The following ATM variants were observed in gnomAD, a reference collection of about 807,000 sequenced individuals.
ATM encodes serine-protein kinase ATM.
A neutral mutation model predicts 387.0 loss-of-function variants in ATM; 308 were observed. That is an observed-to-expected ratio of 0.80 (90% CI 0.73 to 0.87). The LOEUF is 0.87. Among genes scored for constraint, ATM ranks in the 40% least tolerant of loss-of-function variants. The pLI, the probability that ATM is intolerant of heterozygous loss-of-function variation, is 0.00. For synonymous variants in ATM, 1,156 were observed against 1,187.3 expected, an observed-to-expected ratio of 0.97 and a Z score of 0.54; for missense variants, 3,312 against 3,560.9, an observed-to-expected ratio of 0.93 and a Z score of 1.78.
In ATM at chr11:108,302,846, T is replaced by C. The variant is rs863224292; in HGVS notation, c.5320-7T>C. 1 of 1,606,882 alleles carries C rather than the reference T, an allele frequency of 6.2e-7. No homozygotes were observed. Among genetic ancestry groups the C allele is most frequent in the Non-Finnish European group, 8.5e-7 (1 of 1,173,880 alleles). On this transcript the variant is annotated splice_polypyrimidine_tract_variant and splice_region_variant and intron_variant, in intron 35 of 62. Coordinates refer to ENST00000675843, the MANE Select transcript of ATM (RefSeq NM_000051.4). Reference sequence around the variant, plus strand: ...TTATTTACATTTTCTAATCCCTTTCTTTCTAGTTTTTAGAAGTACCCAGAT... The same window carrying C: ...TTATTTACATTTTCTAATCCCTTTCCTTCTAGTTTTTAGAAGTACCCAGAT...
At position 108,354,878 on chromosome 11, in the gene ATM, A is replaced by C. The variant is rs587782335; in HGVS notation, c.8850+4A>C. The C allele has an allele frequency of 3.4e-5, 54 of 1,610,208 alleles. No individual in the cohort carries two copies. The highest frequency in any genetic ancestry group is 4.6e-5 in the Non-Finnish European group (54 of 1,176,566). On this transcript the variant is annotated splice_donor_region_variant and intron_variant, in intron 61 of 62. Transcript: ENST00000675843. ...AACTCTGTTAACCATTGTAGAGGTA[A>C]AGTATTTTATAAGGAAGACTTTATT... is the stretch of plus-strand genomic sequence containing the variant.
intron 5 of ATM, among the ~76,000 whole-genome samples, chr11:108,238,753 G>A (rs954964570): frequency 1.3e-5 from 2 of 151,836 alleles, no homozygotes; most frequent in Non-Finnish European, 2.9e-5. Context: ...GAGCCATGTG[G>A]CTTTTATTTT....
intron 9 of ATM, among the ~76,000 whole-genome samples, chr11:108,249,396 A>G (rs1478059828): frequency 6.6e-6 from 1 of 152,238 alleles, no homozygotes; most frequent in African/African-American, 2.4e-5. Context: ...CATGGAATTC[A>G]CTGAATTGTA....
intron 7 of ATM, among the ~76,000 whole-genome samples, chr11:108,246,459 G>A (rs550788895): frequency 3.3e-5 from 5 of 152,146 alleles, no homozygotes; most frequent in African/African-American, 9.6e-5. Flanking sequence ...CTTTTGTTTC[G>A]CATACTAGTC....
At chr11:108,279,289 G>A (rs968140768) in intron 22 of ATM, among the ~76,000 whole-genome samples, 1 of 152,192 alleles carries the variant, frequency 6.6e-6, no homozygotes, top group African/African-American at 2.4e-5. Context: ...AATAGATTTT[G>A]TATTCAAGAC....
chr11:108,247,359 G>T (rs538134019), intron 8 of ATM, among the ~76,000 whole-genome samples: 7 of 152,142 alleles, frequency 4.6e-5, no homozygotes, highest in African/African-American at 1.7e-4. Flanking sequence ...ATTCTTAAAT[G>T]ATTGTCTCTA....
intron 17 of ATM, among the ~76,000 whole-genome samples, chr11:108,267,882 T>C (rs2135517177): frequency 6.6e-6 from 1 of 152,292 alleles, no homozygotes; most frequent in East Asian, 1.9e-4. Context: ...AATCATATGA[T>C]AGGTTATTTC....
At chr11:108,271,717 A>G (rs540627384) in intron 20 of ATM, among the ~76,000 whole-genome samples, 2 of 152,376 alleles carry the variant, frequency 1.3e-5, no homozygotes, top group South Asian at 2.1e-4. Flanking sequence ...CCCTAAGTGA[A>G]CAAATTGGCC....
Position 108,304,864 on chromosome 11 carries a change from A to C in ATM, c.5674+12A>C. Reference sequence around the variant, plus strand: ...AAACTTGGATTCAGGTATTCTATTAAATTTTTAACATTAATACTGTAAACT... The same window carrying C: ...AAACTTGGATTCAGGTATTCTATTACATTTTTAACATTAATACTGTAAACT... On this transcript the variant is annotated intron_variant, in intron 37 of 62. Transcript: ENST00000675843. 1 of 1,612,690 alleles carries C rather than the reference A, an allele frequency of 6.2e-7. No individual in the cohort carries two copies. Among genetic ancestry groups the C allele is most frequent in the South Asian group, 1.1e-5 (1 of 91,044 alleles).
Position 108,301,679 on chromosome 11 carries a change from T to G in ATM, c.5209T>G (p.Leu1737Val). ...VKVRSAAVTC[L>V]KNILATKTGH... is the part of the protein sequence containing the mutation. ...AGTTCGATCAGCAGCTGTTACCTGT[T>G]TGAAAAACATTTTAGCCACAAAGAC... Residue 1737 changes from leucine to valine, a missense_variant, in exon 35 of 63, where the codon TTG becomes GTG. Coordinates refer to ENST00000675843, the MANE Select transcript of ATM (RefSeq NM_000051.4). 1.2e-6 allele frequency: 2 copies of G among 1,613,790 alleles called. No homozygotes were observed. Among genetic ancestry groups the G allele is most frequent in the Non-Finnish European group, 1.7e-6 (2 of 1,179,796 alleles).
At chr11:108,277,375 G>T (rs1382321577) in intron 22 of ATM, among the ~76,000 whole-genome samples, 3 of 152,150 alleles carry the variant, frequency 2.0e-5, no homozygotes, top group Non-Finnish European at 4.4e-5. Context: ...GGGAGTGAAT[G>T]GGTCCGTCTC....
At chr11:108,263,796 G>T (rs939656826) in intron 16 of ATM, among the ~76,000 whole-genome samples, 1 of 150,018 alleles carries the variant, frequency 6.7e-6, no homozygotes, top group Non-Finnish European at 1.5e-5. Context: ...TGATAAAGGG[G>T]ATATCACCAC....
intron 56 of ATM, among the ~76,000 whole-genome samples, chr11:108,342,225 T>C (rs1364573019): frequency 1.3e-5 from 2 of 152,166 alleles, no homozygotes; most frequent in East Asian, 3.8e-4. Flanking sequence ...AACTGAAATA[T>C]GTTCACGAGT....
intron 26 of ATM, among the ~76,000 whole-genome samples, chr11:108,286,187 C>T (rs1210701639): frequency 6.6e-6 from 1 of 151,706 alleles, no homozygotes; most frequent in Non-Finnish European, 1.5e-5. Context: ...GTGGTGTGTG[C>T]CTGTAATCCC....
Position 108,249,018 on chromosome 11 carries a change from G to C in ATM, c.1151G>C (p.Cys384Ser), listed in dbSNP as rs2135293092. 1 of 1,613,804 alleles carries C rather than the reference G, an allele frequency of 6.2e-7. No individual in the cohort carries two copies. Among genetic ancestry groups the C allele is most frequent in the Non-Finnish European group, 8.5e-7 (1 of 1,179,804 alleles). Residue 384 changes from cysteine to serine, a missense_variant, in exon 9 of 63, where the codon TGC becomes TCC. Physicochemically the swap from Cys to Ser is moderately radical, Grantham distance 112. Coordinates refer to ENST00000675843, the MANE Select transcript of ATM (RefSeq NM_000051.4). ...QRESSDYSVP[C>S]KRKKIELGWE... ...GAATCTAGTGATTACAGTGTCCCTTGCAAAAGGAAGAAAATAGAACTAGGC... is the reference window on the plus strand; with the variant it reads ...GAATCTAGTGATTACAGTGTCCCTTCCAAAAGGAAGAAAATAGAACTAGGC...
intron 5 of ATM, among the ~76,000 whole-genome samples, chr11:108,237,856 G>A (rs1004089384): frequency 7.0e-6 from 1 of 143,522 alleles, no homozygotes; most frequent in Admixed American, 6.9e-5. Flanking sequence ...ACAATGTGGA[G>A]TTTTCCAATC....
chr11:108,245,052 G>C (rs2135245301), intron 7 of ATM, 26 bp downstream of exon 7: 1 of 1,555,400 alleles, frequency 6.4e-7, no homozygotes, highest in Non-Finnish European at 8.8e-7. Context: ...TTACTGTTTT[G>C]AATTTGCTTC....
rs2089487400 is a variant in ATM, at chr11:108,353,749, T to G, written c.8672-17T>G. On this transcript the variant is annotated splice_polypyrimidine_tract_variant and intron_variant, in intron 59 of 62. Transcript: ENST00000675843. Reference sequence around the variant, plus strand: ...TAGCTGTCAAACCTCCTAACTTCACTGTATTCTTTACTTTAGGTGTTGCTT... The same window carrying G: ...TAGCTGTCAAACCTCCTAACTTCACGGTATTCTTTACTTTAGGTGTTGCTT... 1 of 1,572,438 alleles carries G rather than the reference T, an allele frequency of 6.4e-7. No homozygotes were observed. The highest frequency in any genetic ancestry group is 8.8e-7 in the Non-Finnish European group (1 of 1,142,108).
rs2089517173 is a variant in ATM at position 108,353,859 on chromosome 11, G to C, written c.8765G>C (p.Gly2922Ala). The C allele has an allele frequency of 6.2e-7, 1 of 1,613,440 alleles. No individual in the cohort carries two copies. The highest frequency in any genetic ancestry group is 2.2e-5 in the East Asian group (1 of 44,864). The part of the protein sequence containing the change: ...RDIVDGMGIT[G>A]VEGVFRRCCE... ...ATTGTGGATGGCATGGGCATTACGG[G>C]TGTTGAAGGTGTCTTCAGAAGGTAA... Residue 2922 changes from glycine to alanine, a missense_variant, in exon 60 of 63, where the codon GGT becomes GCT. Transcript: ENST00000675843.
Sources: allele counts gnomAD v4.1 joint callset (sites outside exome capture counted in the v4.1 genomes callset), GRCh38; gene constraint gnomAD v4.1.1; transcripts MANE v1.5; gene names NCBI Gene and HGNC (gene_info 2026-07-23, HGNC 2026-07-21).